GALNT13: variants seen among roughly 807,000 people sequenced by gnomAD.
The protein encoded by GALNT13 is UDP-GalNAc:polypeptide N-acetylgalactosaminyltransferase 13.
In GALNT13, 28 loss-of-function variants were observed where a neutral mutation model predicts 64.2. The ratio of observed to expected loss-of-function variants is 0.44; its 90% CI spans 0.32 to 0.60. The LOEUF is 0.60. GALNT13 is among the 20% of genes least tolerant of loss of function. The pLI, the probability that GALNT13 is intolerant of heterozygous loss-of-function variation, is 0.05. For synonymous variants in GALNT13, 214 were observed against 224.6 expected, an observed-to-expected ratio of 0.95 and a Z score of 0.42; for missense variants, 577 against 669.8, an observed-to-expected ratio of 0.86 and a Z score of 1.53.
the GALNT13 span, among the ~76,000 whole-genome samples, chr2:153,630,811 T>A: frequency 0.014 from 353 of 25,614 alleles, 2 homozygotes; most frequent in South Asian, 0.033. Context: ...ATATATATTT[T>A]TTTTTTTTTT....
chr2:153,703,382 T>G, the GALNT13 span, among the ~76,000 whole-genome samples: 1 of 152,184 alleles, frequency 6.6e-6, no homozygotes, highest in South Asian at 2.1e-4. Flanking sequence ...TCTTTTATTC[T>G]TGTTTCATAT....
chr2:154,279,877 A>T (rs1393378212), intron 8 of GALNT13, among the ~76,000 whole-genome samples: 1 of 152,026 alleles, frequency 6.6e-6, no homozygotes, highest in Non-Finnish European at 1.5e-5. Context: ...TAAGTACTTG[A>T]GGTGACATTA....
rs1036306255 is a variant in GALNT13 at position 154,305,988 on chromosome 2, C to G, written c.1156+4399C>G. ...TTTTAAAAGAGAGCCACATTTGTTT[C>G]TTTCTGCTGAATTATCCATGGGTGT... On this transcript the variant is annotated intron_variant, in intron 9 of 12. Coordinates refer to ENST00000392825, the MANE Select transcript of GALNT13 (RefSeq NM_052917.4). Among the ~76,000 whole-genome samples, 9 of 152,212 alleles carry G rather than the reference C, an allele frequency of 5.9e-5. No individual in the cohort carries two copies. The East Asian group carries it at 1.5e-3, about 26-fold the overall frequency.
chr2:153,114,344 C>T, the GALNT13 span, among the ~76,000 whole-genome samples: 1 of 152,114 alleles, frequency 6.6e-6, no homozygotes, highest in Non-Finnish European at 1.5e-5. Flanking sequence ...GGTTTCACTC[C>T]CCTGACCCTG....
At chr2:153,199,293 T>C in the GALNT13 span, among the ~76,000 whole-genome samples, 12 of 152,348 alleles carry the variant, frequency 7.9e-5, no homozygotes, top group South Asian at 1.7e-3. Context: ...GGAAAGCTTA[T>C]GGCTGTAGGC....
chr2:153,190,564 G>A, the GALNT13 span, among the ~76,000 whole-genome samples: 1 of 151,882 alleles, frequency 6.6e-6, no homozygotes. Flanking sequence ...TGGCTATTCA[G>A]GTTCTTTTTT....
At chr2:153,587,621 G>T in the GALNT13 span, among the ~76,000 whole-genome samples, 1,115 of 152,244 alleles carry the variant, frequency 7.3e-3, 15 homozygotes, top group South Asian at 0.036. Context: ...CTTCCTCCAT[G>T]ATTCAGTTAC....
At chr2:153,567,448 G>T in the GALNT13 span, among the ~76,000 whole-genome samples, 4 of 152,216 alleles carry the variant, frequency 2.6e-5, no homozygotes, top group East Asian at 1.9e-4. Context: ...GGACACAAAG[G>T]CCTGGTGAGG....
chr2:154,354,878 G>T (rs908676952), intron 9 of GALNT13, among the ~76,000 whole-genome samples: 2 of 151,890 alleles, frequency 1.3e-5, no homozygotes, highest in African/African-American at 4.8e-5. Flanking sequence ...TCATGTCAGG[G>T]TTCTTCTACT....
At chr2:154,032,442 G>A (rs911870583) in intron 3 of GALNT13, among the ~76,000 whole-genome samples, 4 of 151,780 alleles carry the variant, frequency 2.6e-5, no homozygotes, top group Admixed American at 6.6e-5. Flanking sequence ...ACCAGCCACA[G>A]ACATCACCAA....
chr2:153,851,460 G>A, the GALNT13 span, among the ~76,000 whole-genome samples: 1 of 151,960 alleles, frequency 6.6e-6, no homozygotes, highest in Non-Finnish European at 1.5e-5. Flanking sequence ...CTATGTTTTG[G>A]GAGGCTAAGG....
At chr2:153,648,265 T>C in the GALNT13 span, among the ~76,000 whole-genome samples, 2 of 152,162 alleles carry the variant, frequency 1.3e-5, no homozygotes, top group African/African-American at 4.8e-5. Context: ...TGGTTCTCTG[T>C]TTGTCTGATA....
At chr2:153,224,404 A>G in the GALNT13 span, among the ~76,000 whole-genome samples, 80 of 152,296 alleles carry the variant, frequency 5.3e-4, no homozygotes, top group East Asian at 0.012. Flanking sequence ...GTGGATGACA[A>G]GATCATTTGT....
the GALNT13 span, among the ~76,000 whole-genome samples, chr2:153,547,211 C>G: frequency 6.6e-6 from 1 of 152,214 alleles, no homozygotes; most frequent in Non-Finnish European, 1.5e-5. Flanking sequence ...CACCCATGTG[C>G]TAGGCCCAAA....
At position 154,050,797 on chromosome 2, in the gene GALNT13, A is replaced by T. The variant is rs370826493; in HGVS notation, c.143-89540A>T. On this transcript the variant is annotated intron_variant, in intron 3 of 12. Transcript: ENST00000392825. ...TATTACCTTTTTCTACACACTCACC[A>T]TCTTCAAAATCAATCAACCTTCACT... Among the ~76,000 whole-genome samples, 17 of 152,286 alleles carry T rather than the reference A, an allele frequency of 1.1e-4. No homozygotes were observed. In the South Asian group the frequency reaches 3.5e-3, roughly 32 times the overall value.
At chr2:153,335,368 A>G in the GALNT13 span, among the ~76,000 whole-genome samples, 1 of 152,230 alleles carries the variant, frequency 6.6e-6, no homozygotes, top group Non-Finnish European at 1.5e-5. Flanking sequence ...GAAACTTTCT[A>G]CAGACTTGTT....
At chr2:153,533,344 C>G in the GALNT13 span, among the ~76,000 whole-genome samples, 3 of 151,968 alleles carry the variant, frequency 2.0e-5, no homozygotes, top group Admixed American at 1.3e-4. Context: ...CTCTGCCCCC[C>G]AGGTTCAAGC....
At chr2:153,076,394 A>G in the GALNT13 span, among the ~76,000 whole-genome samples, 2 of 152,110 alleles carry the variant, frequency 1.3e-5, no homozygotes, top group South Asian at 2.1e-4. Flanking sequence ...GTATTTTCCC[A>G]GTATATTATT....
At chr2:154,455,338 C>T (rs534267510), downstream of GALNT13, among the ~76,000 whole-genome samples, 3 of 152,258 alleles carry the variant, frequency 2.0e-5, no homozygotes, top group African/African-American at 7.2e-5. Context: ...GGAGGCAAAA[C>T]ATGTATGCAT....
Sources: allele counts gnomAD v4.1 joint callset (sites outside exome capture counted in the v4.1 genomes callset), GRCh38; gene constraint gnomAD v4.1.1; transcripts MANE v1.5; gene names NCBI Gene and HGNC (gene_info 2026-07-23, HGNC 2026-07-21).